Variants in ANKRD1 observed in about 807,000 individuals in gnomAD.
ANKRD1 encodes the protein ankyrin repeat domain 1, also known as ankyrin repeat domain-containing protein 1.
In ANKRD1, 32 loss-of-function variants were observed where a neutral mutation model predicts 40.1. That is an observed-to-expected ratio of 0.80 (90% CI 0.60 to 1.07). The LOEUF (loss-of-function observed/expected upper bound fraction) is 1.07. Among genes scored for constraint, ANKRD1 ranks in the 50% least tolerant of loss-of-function variants. ANKRD1 has a pLI of 0.00. For synonymous variants in ANKRD1, 149 were observed against 141.2 expected (o/e 1.06, Z -0.39); for missense variants, 359 against 386.0 (o/e 0.93, Z 0.59).
rs752073000 is a variant in ANKRD1, at chr10:90,920,303, G to A, written c.73C>T (p.Pro25Ser). 6.2e-7 allele frequency: 1 copy of A among 1,614,116 alleles called. No homozygotes were observed. The highest frequency in any genetic ancestry group is 1.7e-5 in the Admixed American group (1 of 60,010). Residue 25 changes from proline (P) to serine (S), a missense_variant, in exon 2 of 9, where the codon CCT becomes TCT. By Grantham distance (74) the Pro-to-Ser change is moderately conservative. Coordinates refer to ENST00000371697, the MANE Select transcript of ANKRD1 (RefSeq NM_014391.3). Reference protein sequence around the residue: ...NGNGEAGEFLPEDFRDGEYEA... With the variant: ...NGNGEAGEFLSEDFRDGEYEA... ...TACTCTCCATCTCTGAAATCCTCAG[G>A]AAGGAATTCCCCTGCCTCCCCATTG...
intron 5 of ANKRD1, among the ~76,000 whole-genome samples, chr10:90,917,369 G>A (rs1026984332): frequency 2.4e-4 from 37 of 152,316 alleles, no homozygotes; most frequent in African/African-American, 8.4e-4. Context: ...TAGAGAATTC[G>A]TATATGTTGC....
chr10:90,915,440 G>T, intron 8 of ANKRD1, 103 bp downstream of exon 8: 1 of 988,314 alleles, frequency 1.0e-6, no homozygotes. Flanking sequence ...GACCATCGAA[G>T]ACCCCTCAAA....
Position 90,915,612 on chromosome 10 carries a change from C to T in ANKRD1, c.780G>A (p.Val260=), listed in dbSNP as rs1295167888. The change falls in exon 8 of 9, where the codon GTG becomes GTA. Residue 260 remains valine, a synonymous_variant. Coordinates refer to ENST00000371697, the MANE Select transcript of ANKRD1 (RefSeq NM_014391.3). The part of the protein sequence containing the change: ...REGDTPLHDA[V]RLNRYKMIRL... The stretch of plus-strand genomic sequence containing the variant: ...GGATCATCTTATAGCGGTTCAGTCT[C>T]ACCGCATCATGCAACGGGGTATCTC... 2 of 1,613,942 alleles carry T rather than the reference C, an allele frequency of 1.2e-6. No homozygotes were observed. Among genetic ancestry groups the T allele is most frequent in the East Asian group, 2.2e-5 (1 of 44,876 alleles).
chr10:90,913,070 A>C (rs1847334795), intron 8 of ANKRD1, 94 bp from the exon 9 acceptor site: 1 of 1,142,134 alleles, frequency 8.8e-7, no homozygotes, highest in South Asian at 1.2e-5. Context: ...AGGATTAGGT[A>C]TATGTTATAA....
Position 90,919,163 on chromosome 10 carries a change from G to A in ANKRD1, c.313C>T (p.Pro105Ser), listed in dbSNP as rs148189486. ...TCAGGTTCTGGTTCCTTTACAACTG[G>A]AACTTTAGTTTTCCTGTATTTTTTC... ...KRKKYRKTKV[P>S]VVKEPEPEII... The change falls in exon 3 of 9, where the codon CCA (proline) becomes TCA (serine). Residue 105 changes from proline to serine, a missense_variant. Physicochemically the swap from Pro to Ser is moderately conservative, Grantham distance 74 (BLOSUM62 -1). Coordinates refer to ENST00000371697, the MANE Select transcript of ANKRD1 (RefSeq NM_014391.3). 558 of 1,612,126 alleles carry A rather than the reference G, an allele frequency of 3.5e-4. No individual in the cohort carries two copies. The highest frequency in any genetic ancestry group is 4.4e-4 in the Non-Finnish European group (519 of 1,179,448).
chr10:90,915,470 G>C, intron 8 of ANKRD1, 73 bp downstream of exon 8: 1 of 1,349,432 alleles, frequency 7.4e-7, no homozygotes. Context: ...TGTGGGAGTC[G>C]TTTCACCTAT....
intron 5 of ANKRD1, 135 bp from the exon 6 acceptor site, chr10:90,916,404 C>G (rs1847374818): frequency 1.4e-6 from 1 of 717,032 alleles, no homozygotes; most frequent in East Asian, 2.7e-5. Flanking sequence ...GTCGAAGGTT[C>G]TTACCAAATG....
chr10:90,920,354 AG>A lies in ANKRD1; in HGVS notation c.28-7del. On this transcript the variant is annotated splice_region_variant and splice_polypyrimidine_tract_variant and intron_variant, in intron 1 of 8. Coordinates refer to ENST00000371697, the MANE Select transcript of ANKRD1 (RefSeq NM_014391.3). ...CCATTCTTCTTTCCAGTGACCTATG[AG>A]GGAAGAAGATGGCAGCGTCAGAAGC... 1 of 1,613,908 alleles carries A rather than the reference AG, an allele frequency of 6.2e-7. No homozygotes were observed.
chr10:90,912,318 A>G lies in ANKRD1; in HGVS notation c.*548T>C, dbSNP rs1847323801. 1 of 144,692 alleles carries G rather than the reference A, an allele frequency of 6.9e-6. No individual in the cohort carries two copies. Among genetic ancestry groups the G allele is most frequent in the Non-Finnish European group, 1.5e-5 (1 of 66,614 alleles). 9.0% of individuals were successfully genotyped at this position (144,692 alleles called of 1,614,324 possible). On this transcript the variant is annotated 3_prime_UTR_variant, in exon 9 of 9. Transcript: ENST00000371697. ...AAAAAAAAAAAAAAAAAAAAAAAAA[A>G]AAATCCAGCCTGGGGGTAAAATAGC...
In ANKRD1 at chr10:90,917,535, T is replaced by G. The variant is rs559137560; in HGVS notation, c.552+197A>C. On this transcript the variant is annotated intron_variant, in intron 5 of 8. Coordinates refer to ENST00000371697, the MANE Select transcript of ANKRD1 (RefSeq NM_014391.3). ...TCTTTTCCCTGAAATATTCCTCTAT[T>G]TTCAGTATGTATGGAAAATATTTTC... Among the ~76,000 whole-genome samples the G allele has an allele frequency of 2.1e-3, 324 of 152,354 alleles. 1 individual carries two copies. The highest frequency in any genetic ancestry group is 0.01 in the Middle Eastern group (3 of 294).
At chr10:90,920,443 C>T in intron 1 of ANKRD1, 95 bp from the exon 2 acceptor site, 1 of 1,424,614 alleles carries the variant, frequency 7.0e-7, no homozygotes, top group South Asian at 1.2e-5. Context: ...GTCCTTCTCC[C>T]CTGGGAACAG....
intron 1 of ANKRD1, 110 bp from the exon 2 acceptor site, chr10:90,920,458 C>G: frequency 8.4e-7 from 1 of 1,195,024 alleles, no homozygotes; most frequent in Non-Finnish European, 1.2e-6. Flanking sequence ...GAACAGCCAC[C>G]TTTGAGCAGT....
chr10:90,913,133 T>C (rs1300277040), intron 8 of ANKRD1, among the ~76,000 whole-genome samples, 157 bp from the exon 9 acceptor site: 2 of 152,238 alleles, frequency 1.3e-5, no homozygotes, highest in African/African-American at 4.8e-5. Context: ...CTCAAACCAG[T>C]CCTTCACTGT....
At position 90,918,987 on chromosome 10, in the gene ANKRD1, A is replaced by ATATATATATATATATATAT. The variant is rs60923931; in HGVS notation, c.346-16_346-15insATATATATATATATATATA. 79 of 198,534 alleles carry ATATATATATATATATATAT rather than the reference A, an allele frequency of 4.0e-4. 4 individuals carry two copies. The highest frequency in any genetic ancestry group is 1.6e-3 in the African/African-American group (42 of 26,010). The allele number at this position is 198,534 out of a possible 1,614,324, so 12.3% of individuals were successfully genotyped here. A position where few individuals can be genotyped will look rare whatever the true frequency, so the allele number is the denominator to read the frequency against. On this transcript the variant is annotated splice_polypyrimidine_tract_variant and intron_variant, in intron 3 of 8. Coordinates refer to ENST00000371697, the MANE Select transcript of ANKRD1 (RefSeq NM_014391.3). ...ACAGGTTCCGTCTAAAGCCAAAATA[A>ATATATATATATATATATAT]ATAAATATATATATATATATATATA...
chr10:90,915,441 AC>A (rs1219256926), intron 8 of ANKRD1, 101 bp downstream of exon 8: 4 of 991,534 alleles, frequency 4.0e-6, no homozygotes, highest in Non-Finnish European at 6.2e-6. Context: ...ACCATCGAAG[AC>A]CCCTCAAATA....
chr10:90,920,716 A>C (rs927986019), intron 1 of ANKRD1, among the ~76,000 whole-genome samples: 5 of 152,222 alleles, frequency 3.3e-5, no homozygotes, highest in African/African-American at 1.2e-4. Context: ...ACATTCTTTC[A>C]ATAACACTTC....
intron 8 of ANKRD1, among the ~76,000 whole-genome samples, chr10:90,914,790 T>A (rs1847353126): frequency 6.8e-6 from 1 of 146,538 alleles, no homozygotes; most frequent in East Asian, 2.1e-4. Context: ...CTTCAGAAAT[T>A]TATACCTGTT....
chr10:90,916,400 G>T, intron 5 of ANKRD1, 131 bp from the exon 6 acceptor site: 1 of 723,850 alleles, frequency 1.4e-6, no homozygotes, highest in South Asian at 1.5e-5. Flanking sequence ...TGGAGTCGAA[G>T]GTTCTTACCA....
intron 4 of ANKRD1, among the ~76,000 whole-genome samples, chr10:90,918,182 T>C (rs942007131): frequency 3.9e-5 from 6 of 152,210 alleles, no homozygotes; most frequent in African/African-American, 1.4e-4. Flanking sequence ...TTCTTGCATC[T>C]GGGACTGTTG....
Sources: gnomAD v4.1 joint callset for allele counts (sites outside exome capture counted in the v4.1 genomes callset) on GRCh38, gnomAD v4.1.1 for gene constraint, MANE v1.5 for transcripts, NCBI Gene and HGNC (gene_info 2026-07-23, HGNC 2026-07-21) for gene names.